The following PDE8A variants were observed in gnomAD, a reference collection of about 807,000 sequenced individuals.
PDE8A encodes the protein phosphodiesterase 8A.
In PDE8A, 59 loss-of-function variants were observed where a neutral mutation model predicts 105.0. The observed-to-expected ratio is 0.56, with a 90% confidence interval of 0.46 to 0.70. The LOEUF is 0.70. Among genes scored for constraint, PDE8A ranks in the 30% least tolerant of loss-of-function variants. The pLI, the probability that PDE8A is intolerant of heterozygous loss-of-function variation, is 0.00. For synonymous variants in PDE8A, 355 were observed against 371.9 expected (o/e 0.95, Z 0.52); for missense variants, 1,014 against 1,045.9 (o/e 0.97, Z 0.42).
At chr15:85,109,004 ATGT>A in intron 11 of PDE8A, 46 bp from the exon 12 acceptor site, 1 of 1,294,070 alleles carries the variant, frequency 7.7e-7, no homozygotes, top group Non-Finnish European at 1.1e-6. Context: ...CTTCCTTAAT[ATGT>A]TGTTTAAATA....
chr15:84,996,390 A>G (rs1456611460), intron 1 of PDE8A, among the ~76,000 whole-genome samples: 1 of 152,090 alleles, frequency 6.6e-6, no homozygotes, highest in Non-Finnish European at 1.5e-5. Flanking sequence ...CATGTTGTCC[A>G]AGTGGTCTTG....
chr15:85,070,637 C>T (rs796811140), intron 3 of PDE8A, among the ~76,000 whole-genome samples: 1 of 152,100 alleles, frequency 6.6e-6, no homozygotes, highest in Non-Finnish European at 1.5e-5. Flanking sequence ...GCAGGACATC[C>T]GGGCACCTCT....
At chr15:84,997,780 A>G (rs1353390987) in intron 1 of PDE8A, among the ~76,000 whole-genome samples, 1 of 151,976 alleles carries the variant, frequency 6.6e-6, no homozygotes, top group Admixed American at 6.6e-5. Context: ...TTTTTAGTAG[A>G]GACGGGGTTT....
At chr15:85,108,554 G>T (rs1306654676) in intron 11 of PDE8A, among the ~76,000 whole-genome samples, 1 of 152,160 alleles carries the variant, frequency 6.6e-6, no homozygotes, top group Non-Finnish European at 1.5e-5. Context: ...AGAAGAGGGG[G>T]TGAAAGGGAG....
At position 85,139,105 on chromosome 15, in the gene PDE8A, C is replaced by G. The variant is rs1380989182; in HGVS notation, c.*1202C>G. ...AAACTCGTATTTGTGGTTTTTTTCC[C>G]AGATAAAAATGAAATTAAACCATTT... On this transcript the variant is annotated 3_prime_UTR_variant, in exon 22 of 22. Coordinates refer to ENST00000394553, the MANE Select transcript of PDE8A (RefSeq NM_002605.3). 1 of 151,970 alleles carries G rather than the reference C, an allele frequency of 6.6e-6. No homozygotes were observed. The highest frequency in any genetic ancestry group is 2.4e-5 in the African/African-American group (1 of 41,380). 9.4% of individuals were successfully genotyped at this position (151,970 alleles called of 1,614,324 possible).
intron 1 of PDE8A, among the ~76,000 whole-genome samples, chr15:85,057,879 G>A (rs2081087010): frequency 6.6e-6 from 1 of 152,046 alleles, no homozygotes; most frequent in African/African-American, 2.4e-5. Context: ...TTGCATTTCA[G>A]GAATACATCC....
At chr15:85,016,367 G>A (rs1381515639) in intron 1 of PDE8A, among the ~76,000 whole-genome samples, 2 of 144,158 alleles carry the variant, frequency 1.4e-5, no homozygotes, top group Non-Finnish European at 3.1e-5. Context: ...TATGATATGA[G>A]GAATAAATTC....
At chr15:85,087,818 G>C (rs996564153) in intron 6 of PDE8A, among the ~76,000 whole-genome samples, 1 of 152,096 alleles carries the variant, frequency 6.6e-6, no homozygotes, top group East Asian at 1.9e-4. Context: ...TCTTGTTTTT[G>C]TATGCATATT....
At chr15:85,001,898 G>A (rs8026543) in intron 1 of PDE8A, among the ~76,000 whole-genome samples, 93,998 of 152,060 alleles carry the variant, frequency 0.62, 30,033 homozygotes, top group African/African-American at 0.8. Flanking sequence ...TAAGTACTTT[G>A]TGCATGAACT....
chr15:85,075,112 T>C (rs892134527), intron 3 of PDE8A, among the ~76,000 whole-genome samples: 53 of 152,350 alleles, frequency 3.5e-4, no homozygotes, highest in African/African-American at 1.3e-3. Context: ...TTTCTTTCTT[T>C]TACTCTATGT....
In PDE8A at chr15:85,003,030, G is replaced by T. The variant is rs1225471405; in HGVS notation, c.186+20682G>T. Among the ~76,000 whole-genome samples the T allele has an allele frequency of 2.0e-5, 3 of 152,142 alleles. No homozygotes were observed. In the East Asian group the frequency reaches 5.8e-4, roughly 29 times the overall value. On this transcript the variant is annotated intron_variant, in intron 1 of 21. Coordinates refer to ENST00000394553, the MANE Select transcript of PDE8A (RefSeq NM_002605.3). The stretch of plus-strand genomic sequence containing the variant: ...TTCTTTGAGTTTAGTGAGATGTCAT[G>T]AATTTTTTTTTTTCAGTCAAGTTTC...
intron 1 of PDE8A, among the ~76,000 whole-genome samples, chr15:85,054,425 T>C (rs1596475277): frequency 6.6e-6 from 1 of 152,308 alleles, no homozygotes; most frequent in East Asian, 1.9e-4. Flanking sequence ...TCTGGTAGAA[T>C]TCAGCTGTGA....
At position 85,138,166 on chromosome 15, in the gene PDE8A, T is replaced by G. The variant is rs1313206930; in HGVS notation, c.*263T>G. The G allele has an allele frequency of 2.7e-6, 1 of 374,814 alleles. No homozygotes were observed. Among genetic ancestry groups the G allele is most frequent in the Non-Finnish European group, 4.9e-6 (1 of 206,074 alleles). 23.2% of individuals were successfully genotyped at this position (374,814 alleles called of 1,614,324 possible). ...CATGAGGACCACGGTTTGCCTCAGTTTCTGGTAAAACACAAGGTCTGGAGT... is the reference window on the plus strand; with the variant it reads ...CATGAGGACCACGGTTTGCCTCAGTGTCTGGTAAAACACAAGGTCTGGAGT... On this transcript the variant is annotated 3_prime_UTR_variant, in exon 22 of 22. Coordinates refer to ENST00000394553, the MANE Select transcript of PDE8A (RefSeq NM_002605.3).
intron 1 of PDE8A, among the ~76,000 whole-genome samples, chr15:85,059,413 T>C (rs1228637935): frequency 2.0e-5 from 3 of 152,232 alleles, no homozygotes; most frequent in African/African-American, 7.2e-5. Context: ...CTAGCCATTA[T>C]TGAGAGGGGG....
chr15:85,070,598 G>A (rs1165102899), intron 3 of PDE8A, among the ~76,000 whole-genome samples: 1 of 152,224 alleles, frequency 6.6e-6, no homozygotes, highest in Non-Finnish European at 1.5e-5. Flanking sequence ...AAATGTTCCA[G>A]GTAGAGGGAG....
At chr15:84,987,753 A>G (rs2079826640) in intron 1 of PDE8A, among the ~76,000 whole-genome samples, 1 of 152,056 alleles carries the variant, frequency 6.6e-6, no homozygotes, top group South Asian at 2.1e-4. Flanking sequence ...CTGGGATTAC[A>G]GGTGTGAGCC....
At chr15:85,083,971 A>G (rs940321583) in intron 6 of PDE8A, among the ~76,000 whole-genome samples, 1 of 151,992 alleles carries the variant, frequency 6.6e-6, no homozygotes, top group African/African-American at 2.4e-5. Context: ...CCCCCAATCT[A>G]TTAACATTAG....
At position 85,109,135 on chromosome 15, in the gene PDE8A, GT is replaced by G; in HGVS notation, c.1114+6del. On this transcript the variant is annotated splice_donor_region_variant and intron_variant, in intron 12 of 21. Transcript: ENST00000394553. The stretch of plus-strand genomic sequence containing the variant: ...TTGCCTCCCGTGCAACTGAAGGTGA[GT>G]GACAAAGACAAGAGAAAAAAATGTG... 6.2e-7 allele frequency: 1 copy of G among 1,600,102 alleles called. No individual in the cohort carries two copies. The highest frequency in any genetic ancestry group is 1.3e-5 in the African/African-American group (1 of 74,736).
chr15:84,982,174 C>T lies in PDE8A; in HGVS notation c.12C>T (p.Ala4=), dbSNP rs750979411. 9 of 1,477,346 alleles carry T rather than the reference C, an allele frequency of 6.1e-6. No homozygotes were observed. The highest frequency in any genetic ancestry group is 7.1e-6 in the Non-Finnish European group (8 of 1,123,474). 91.5% of individuals were successfully genotyped at this position (1,477,346 alleles called of 1,614,324 possible). Residue 4 remains alanine, a synonymous_variant, in exon 1 of 22, where the codon GCC becomes GCT. Coordinates refer to ENST00000394553, the MANE Select transcript of PDE8A (RefSeq NM_002605.3). ...GCGCCGCCGCCAGCATGGGCTGTGCCCCGAGCATCCACATTTCCGAGCGCC... is the reference window on the plus strand; with the variant it reads ...GCGCCGCCGCCAGCATGGGCTGTGCTCCGAGCATCCACATTTCCGAGCGCC... MGC[A]PSIHISERLV...
Sources: gnomAD v4.1 joint callset for allele counts (sites outside exome capture counted in the v4.1 genomes callset) on GRCh38, gnomAD v4.1.1 for gene constraint, MANE v1.5 for transcripts, NCBI Gene and HGNC (gene_info 2026-07-23, HGNC 2026-07-21) for gene names.